PLEKHA7: variants seen among roughly 807,000 people sequenced by gnomAD.
PLEKHA7 encodes the protein pleckstrin homology domain containing A7.
In PLEKHA7, 104 loss-of-function variants were observed where a neutral mutation model predicts 170.0. The observed-to-expected ratio is 0.61, with a 90% CI of 0.52 to 0.72. The LOEUF (loss-of-function observed/expected upper bound fraction) is 0.72, where lower values mean the gene tolerates loss of function less well. PLEKHA7 is among the 30% of genes least tolerant of loss of function. The pLI, the probability that PLEKHA7 is intolerant of heterozygous loss-of-function variation, is 0.00. For missense variants in PLEKHA7, 1,615 were observed against 1,671.7 expected (o/e 0.97, Z 0.59); for synonymous variants, 648 against 660.8 (o/e 0.98, Z 0.30).
At chr11:16,968,782 CTCATAGGGATT>C (rs1225473599) in intron 3 of PLEKHA7, among the ~76,000 whole-genome samples, 1 of 152,142 alleles carries the variant, frequency 6.6e-6, no homozygotes, top group African/African-American at 2.4e-5. Context: ...CTCAACAAGC[CTCATAGGGATT>C]TCACATCCCC....
At chr11:16,998,084 G>A (rs1018130569) in intron 3 of PLEKHA7, among the ~76,000 whole-genome samples, 3 of 152,144 alleles carry the variant, frequency 2.0e-5, no homozygotes, top group African/African-American at 4.8e-5. Flanking sequence ...GATGATAACC[G>A]TACCTACCTT....
intron 3 of PLEKHA7, among the ~76,000 whole-genome samples, chr11:16,889,420 A>AAAAATAT (rs61086849): frequency 1.1e-4 from 8 of 74,680 alleles, no homozygotes; most frequent in Admixed American, 1.9e-4. Flanking sequence ...AAAAAAAAAA[A>AAAAATAT]ATATATATAT....
intron 3 of PLEKHA7, among the ~76,000 whole-genome samples, chr11:16,926,112 T>G (rs1859521591): frequency 6.6e-6 from 1 of 152,314 alleles, no homozygotes; most frequent in Admixed American, 6.5e-5. Context: ...CCACAATGAT[T>G]CAAGGAGTCT....
Position 16,817,313 on chromosome 11 carries a change from C to A in PLEKHA7, c.1353G>T (p.Leu451Phe), listed in dbSNP as rs772833672. 6.2e-7 allele frequency: 1 copy of A among 1,607,448 alleles called. No homozygotes were observed. The highest frequency in any genetic ancestry group is 8.5e-7 in the Non-Finnish European group (1 of 1,178,732). Reference sequence around the variant, plus strand: ...GACCCTGGCGAGGAAGCGTCTGGTCCAAGGGAAGACTGAGGAGAAAGGGTA... The same window carrying A: ...GACCCTGGCGAGGAAGCGTCTGGTCAAAGGGAAGACTGAGGAGAAAGGGTA... ...AQKGDSRSLP[L>F]DQTLPRQGPG... Residue 451 changes from leucine to phenylalanine, a missense_variant, in exon 11 of 27, where the codon TTG (leucine) becomes TTT (phenylalanine). Transcript: ENST00000531066. The surrounding 1 kb of genome is among the most constrained non-coding windows in gnomAD (Gnocchi z 4.4).
At chr11:16,997,286 T>C (rs1864397839) in intron 3 of PLEKHA7, among the ~76,000 whole-genome samples, 1 of 152,182 alleles carries the variant, frequency 6.6e-6, no homozygotes, top group Non-Finnish European at 1.5e-5. Flanking sequence ...GAAATGTCCA[T>C]GGACAAGGAG....
At chr11:16,876,431 T>C (rs1383264334) in intron 3 of PLEKHA7, among the ~76,000 whole-genome samples, 1 of 152,176 alleles carries the variant, frequency 6.6e-6, no homozygotes, top group Non-Finnish European at 1.5e-5. Flanking sequence ...ATCCCGCTCT[T>C]CCTCCCAGAA....
chr11:16,783,078 G>A (rs560493756), intron 25 of PLEKHA7, among the ~76,000 whole-genome samples, 182 bp from the exon 26 acceptor site: 1 of 152,218 alleles, frequency 6.6e-6, no homozygotes, highest in African/African-American at 2.4e-5. Flanking sequence ...TCCCAGCTTT[G>A]TTCCTCCTTT....
At chr11:16,809,321 T>C (rs78560110) in intron 13 of PLEKHA7, among the ~76,000 whole-genome samples, 11 of 152,258 alleles carry the variant, frequency 7.2e-5, no homozygotes, top group Admixed American at 6.5e-5. Flanking sequence ...CAGGGGAAGA[T>C]GGGCTCTGGA....
chr11:16,893,436 G>A (rs559518396), intron 3 of PLEKHA7, among the ~76,000 whole-genome samples: 20 of 152,248 alleles, frequency 1.3e-4, no homozygotes, highest in Admixed American at 9.1e-4. Context: ...ATGAACACAG[G>A]GAGCTCTTAC....
Position 16,892,619 on chromosome 11 carries a change from C to T in PLEKHA7, c.222-21437G>A, listed in dbSNP as rs370331450. On this transcript the variant is annotated intron_variant, in intron 3 of 26. Transcript: ENST00000531066. ...TGCCACCATGCCCAGCTTCCAGCTT[C>T]TTTTTTTTTTTTTTTTTTTTTTCGT... is the stretch of plus-strand genomic sequence containing the variant. Among the ~76,000 whole-genome samples the T allele has an allele frequency of 3.6e-3, 300 of 82,362 alleles. 2 individuals carry two copies. Among genetic ancestry groups the T allele is most frequent in the African/African-American group, 0.014 (259 of 19,102 alleles). The allele number at this position is 82,362 out of a possible 152,430, so 54.0% of individuals were successfully genotyped here.
intron 3 of PLEKHA7, among the ~76,000 whole-genome samples, chr11:16,984,123 G>A (rs938178999): frequency 6.6e-6 from 1 of 151,698 alleles, no homozygotes; most frequent in Admixed American, 6.6e-5. Flanking sequence ...TTTAATGAGG[G>A]CTTATTTCAT....
At chr11:16,936,127 C>T (rs1860272016) in intron 3 of PLEKHA7, among the ~76,000 whole-genome samples, 2 of 151,978 alleles carry the variant, frequency 1.3e-5, no homozygotes, top group Admixed American at 6.5e-5. Context: ...CTCTGCAGGG[C>T]ACAGTGGCTC....
chr11:16,930,006 AAAAAAT>A (rs374159686), intron 3 of PLEKHA7, among the ~76,000 whole-genome samples: 14 of 152,120 alleles, frequency 9.2e-5, no homozygotes, highest in Non-Finnish European at 1.2e-4. Flanking sequence ...CCGTCTCAAA[AAAAAAT>A]AAAAATAAAA....
intron 10 of PLEKHA7, among the ~76,000 whole-genome samples, chr11:16,822,982 A>ATGTATTAT (rs1554935361): frequency 1.3e-5 from 2 of 149,906 alleles, no homozygotes; most frequent in African/African-American, 4.9e-5. Context: ...GTATGTATGT[A>ATGTATTAT]TTATTTATTT....
intron 3 of PLEKHA7, among the ~76,000 whole-genome samples, chr11:16,980,412 C>T (rs1863354245): frequency 6.6e-6 from 1 of 152,290 alleles, no homozygotes; most frequent in African/African-American, 2.4e-5. Flanking sequence ...CAGGCTGCCC[C>T]ATGGGGGAGA....
At chr11:16,795,316 C>T in intron 17 of PLEKHA7, 1 of 334,568 alleles carries the variant, frequency 3.0e-6, no homozygotes, top group Non-Finnish European at 5.5e-6. Flanking sequence ...GTATGACATA[C>T]TTAGAGTAGT....
At chr11:16,814,048 C>T (rs958372415) in intron 12 of PLEKHA7, among the ~76,000 whole-genome samples, 12 of 152,282 alleles carry the variant, frequency 7.9e-5, no homozygotes, top group Admixed American at 7.8e-4. Context: ...CCTTTGCTTA[C>T]AGCTCTGAGG....
intron 4 of PLEKHA7, among the ~76,000 whole-genome samples, chr11:16,868,233 A>C (rs1590397319): frequency 6.6e-6 from 1 of 152,102 alleles, no homozygotes; most frequent in Non-Finnish European, 1.5e-5. Context: ...ATCTCTTATT[A>C]CCAGAGCAGA....
rs1158532842 is a variant in PLEKHA7 at position 16,944,674 on chromosome 11, A to G, written c.221+69315T>C. Among the ~76,000 whole-genome samples the G allele has an allele frequency of 2.0e-5, 3 of 152,124 alleles. No individual in the cohort carries two copies. The East Asian group carries it at 5.8e-4, about 29-fold the overall frequency. ...TCTTTCTATGTATGTGAGGTACATCATAACAGACAGGTTAGTAAGACTTGT... is the reference window on the plus strand; with the variant it reads ...TCTTTCTATGTATGTGAGGTACATCGTAACAGACAGGTTAGTAAGACTTGT... On this transcript the variant is annotated intron_variant, in intron 3 of 26. Transcript: ENST00000531066.
Sources: gnomAD v4.1 joint callset for allele counts (sites outside exome capture counted in the v4.1 genomes callset) on GRCh38, gnomAD v4.1.1 for gene constraint, Gnocchi (gnomAD v3.1) non-coding constraint, MANE v1.5 for transcripts, NCBI Gene and HGNC (gene_info 2026-07-23, HGNC 2026-07-21) for gene names.